SRGAP2B: variants seen among roughly 807,000 people sequenced by gnomAD.
SRGAP2B encodes the protein SLIT-ROBO Rho GTPase-activating protein 2B.
A neutral mutation model predicts 22.2 loss-of-function variants in SRGAP2B; 9 were observed. The observed-to-expected ratio is 0.41, with a 90% CI of 0.24 to 0.71. The LOEUF (loss-of-function observed/expected upper bound fraction) is 0.71. SRGAP2B is among the 30% of genes least tolerant of loss of function. The probability of loss-of-function intolerance (pLI) is 0.35; values close to 1 mark genes in which losing one functional copy is unlikely to be tolerated. For missense variants in SRGAP2B, 114 were observed against 235.8 expected (o/e 0.48, Z 3.38); for synonymous variants, 36 against 87.4 (o/e 0.41, Z 3.28).
At chr1:144,906,055 A>G (rs1210846554) in exon 6 of SRGAP2B, 8 of 707,890 alleles carry the variant, frequency 1.1e-5, no homozygotes, top group African/African-American at 3.9e-5. Flanking sequence ...GGCATTGTAC[A>G]TGTGATATGT....
chr1:145,044,709 G>C (rs376200220), intron 2 of SRGAP2B, among the ~76,000 whole-genome samples: 1 of 67,154 alleles, frequency 1.5e-5, no homozygotes, highest in Non-Finnish European at 3.2e-5. Context: ...AACAGAAAAA[G>C]CAAGACAAGA....
chr1:144,965,153 G>C, intron 3 of SRGAP2B: 3 of 1,142,464 alleles, frequency 2.6e-6, no homozygotes, highest in Middle Eastern at 2.9e-4. Flanking sequence ...TCAGTGTAGG[G>C]GGGAGGAGCC....
In SRGAP2B at chr1:144,904,097, C is replaced by T. The variant is rs1349186064; in HGVS notation, c.831+994G>A. Among the ~76,000 whole-genome samples, 25 of 146,990 alleles carry T rather than the reference C, an allele frequency of 1.7e-4. 1 individual carries two copies. The highest frequency in any genetic ancestry group is 1.7e-3 in the Admixed American group (25 of 14,804). On this transcript the variant is annotated intron_variant, in intron 7 of 9. Coordinates refer to ENST00000612199, the Ensembl canonical transcript of SRGAP2B. ...CCTATTAACCGCTTTCCTCAATCCCCTTTGCATCACATATTTTTAAAAATG... is the reference window on the plus strand; with the variant it reads ...CCTATTAACCGCTTTCCTCAATCCCTTTTGCATCACATATTTTTAAAAATG...
intron 2 of SRGAP2B, among the ~76,000 whole-genome samples, chr1:145,022,704 G>T (rs1647279482): frequency 1.3e-5 from 2 of 150,486 alleles, no homozygotes; most frequent in African/African-American, 5.0e-5. Context: ...CACATGGACG[G>T]GGTTGAAAGG....
At chr1:145,040,823 G>C (rs1227687875) in intron 2 of SRGAP2B, among the ~76,000 whole-genome samples, 67 of 146,746 alleles carry the variant, frequency 4.6e-4, no homozygotes, top group African/African-American at 1.7e-3. Context: ...CGGTGCTTAC[G>C]CACCGTGCCA....
At chr1:144,918,057 C>T (rs1318624215) in intron 4 of SRGAP2B, 1 of 74,126 alleles carries the variant, frequency 1.3e-5, no homozygotes, top group Non-Finnish European at 2.5e-5. Context: ...AGAGCTTTTC[C>T]GTTCTCTATA....
At chr1:144,986,464 T>A (rs1411695858) in intron 3 of SRGAP2B, among the ~76,000 whole-genome samples, 1 of 149,868 alleles carries the variant, frequency 6.7e-6, no homozygotes, top group Non-Finnish European at 1.5e-5. Context: ...ACCGACTGAA[T>A]GAAAATACAG....
At chr1:144,920,549 G>A (rs1218461755) in intron 4 of SRGAP2B, among the ~76,000 whole-genome samples, 2 of 149,686 alleles carry the variant, frequency 1.3e-5, no homozygotes, top group African/African-American at 5.1e-5. Flanking sequence ...CTGGTAACAG[G>A]CATGCTTGGC....
At chr1:145,023,143 G>C (rs1553624408) in intron 2 of SRGAP2B, among the ~76,000 whole-genome samples, 1 of 144,790 alleles carries the variant, frequency 6.9e-6, no homozygotes, top group African/African-American at 2.6e-5. Flanking sequence ...CTCCAGCCTG[G>C]TGACAGAGTG....
intron 4 of SRGAP2B, among the ~76,000 whole-genome samples, chr1:144,922,974 G>A (rs1267750840): frequency 6.6e-6 from 1 of 151,318 alleles, no homozygotes; most frequent in Non-Finnish European, 1.5e-5. Flanking sequence ...CGTGGACTCA[G>A]CTCCTACCCT....
At chr1:144,959,182 A>G (rs1177120038) in intron 3 of SRGAP2B, among the ~76,000 whole-genome samples, 3 of 150,244 alleles carry the variant, frequency 2.0e-5, no homozygotes, top group Non-Finnish European at 4.4e-5. Context: ...GGTTCATGTG[A>G]GACCGTGGTT....
chr1:144,920,411 G>A (rs1351549597), intron 4 of SRGAP2B, among the ~76,000 whole-genome samples: 11 of 150,634 alleles, frequency 7.3e-5, no homozygotes, highest in Middle Eastern at 3.4e-3. Flanking sequence ...TAGCTGGGAC[G>A]ACAGATGTGT....
chr1:145,067,308 T>C (rs1164895348), intron 2 of SRGAP2B, among the ~76,000 whole-genome samples: 1 of 147,286 alleles, frequency 6.8e-6, no homozygotes, highest in East Asian at 2.0e-4. Flanking sequence ...AAAAAAAAAT[T>C]AGAAAACTAA....
intron 2 of SRGAP2B, among the ~76,000 whole-genome samples, chr1:145,009,553 A>C (rs1671889528): frequency 6.8e-6 from 1 of 146,464 alleles, no homozygotes; most frequent in African/African-American, 2.6e-5. Flanking sequence ...CCGCCACTGC[A>C]CTCCAGCCTG....
intron 2 of SRGAP2B, among the ~76,000 whole-genome samples, chr1:145,012,911 C>A (rs1306972912): frequency 5.4e-5 from 8 of 148,190 alleles, no homozygotes; most frequent in East Asian, 2.0e-4. Flanking sequence ...ATGGCAGAAC[C>A]CCATCTCTAC....
intron 3 of SRGAP2B, among the ~76,000 whole-genome samples, chr1:144,975,782 C>T (rs1668852832): frequency 6.7e-6 from 1 of 148,790 alleles, no homozygotes; most frequent in Admixed American, 6.7e-5. Context: ...GTGTCTTGGC[C>T]CTCAAGGCTA....
intron 4 of SRGAP2B, chr1:144,918,023 C>T (rs1215739809): frequency 1.5e-5 from 1 of 67,182 alleles, no homozygotes; most frequent in Non-Finnish European, 2.8e-5. Flanking sequence ...CTGATGAGGC[C>T]GAGTACATGA....
chr1:144,919,891 T>C (rs1239029417), intron 4 of SRGAP2B: 1 of 146,740 alleles, frequency 6.8e-6, no homozygotes, highest in East Asian at 2.0e-4. Flanking sequence ...ATAAAAGTAC[T>C]TATGTGTCCG....
intron 4 of SRGAP2B, among the ~76,000 whole-genome samples, chr1:144,940,818 A>G (rs1665978842): frequency 6.9e-6 from 1 of 145,962 alleles, no homozygotes; most frequent in South Asian, 2.1e-4. Context: ...AAAAAAAAAA[A>G]GACAACATAG....
Sources: allele counts gnomAD v4.1 joint callset (sites outside exome capture counted in the v4.1 genomes callset), GRCh38; gene constraint gnomAD v4.1.1; transcripts MANE v1.5; gene names NCBI Gene and HGNC (gene_info 2026-07-23, HGNC 2026-07-21).